CUL1: variants seen among roughly 807,000 people sequenced by gnomAD.
CUL1 encodes the protein cullin 1, also known as cullin-1.
Under a neutral mutation model 118.0 loss-of-function variants are expected in CUL1, and 24 were observed. The observed-to-expected ratio is 0.20, with a 90% confidence interval of 0.15 to 0.29. CUL1 has a LOEUF of 0.29. Among genes scored for constraint, CUL1 ranks in the 10% least tolerant of loss-of-function variants. The pLI, the probability that CUL1 is intolerant of heterozygous loss-of-function variation, is 1.00. For synonymous variants in CUL1, 332 were observed against 340.4 expected (o/e 0.98, Z 0.27); for missense variants, 361 against 933.8 (o/e 0.39, Z 7.99).
At chr7:148,742,085 C>T (rs1799159558) in intron 2 of CUL1, among the ~76,000 whole-genome samples, 1 of 152,138 alleles carries the variant, frequency 6.6e-6, no homozygotes, top group Non-Finnish European at 1.5e-5. Context: ...TTTTGAGTCT[C>T]TTGAAATTCT....
At position 148,800,439 on chromosome 7, in the gene CUL1, C is replaced by A. The variant is rs559003920; in HGVS notation, c.2251-63C>A. 173 of 1,353,756 alleles carry A rather than the reference C, an allele frequency of 1.3e-4. No homozygotes were observed. The highest frequency in any genetic ancestry group is 1.1e-3 in the African/African-American group (79 of 69,826). 83.9% of individuals were successfully genotyped at this position (1,353,756 alleles called of 1,614,324 possible). Reference sequence around the variant, plus strand: ...GTGGTGGGGGCAGCCTCTCTCTGTTCTGATGATAATTTGTGTTTTTCTTCT... The same window carrying A: ...GTGGTGGGGGCAGCCTCTCTCTGTTATGATGATAATTTGTGTTTTTCTTCT... On this transcript the variant is annotated intron_variant, in intron 21 of 21. Transcript: ENST00000325222. This position sits in a 1 kb window ranked among gnomAD's most constrained non-coding sequence, Gnocchi z 4.6.
At chr7:148,796,623 A>C (rs1336933871) in intron 17 of CUL1, among the ~76,000 whole-genome samples, 1 of 152,212 alleles carries the variant, frequency 6.6e-6, no homozygotes. Context: ...AGGGCTGTGC[A>C]GACGGGTCCT....
chr7:148,746,917 T>G (rs530718736), intron 2 of CUL1, among the ~76,000 whole-genome samples: 1 of 152,352 alleles, frequency 6.6e-6, no homozygotes, highest in African/African-American at 2.4e-5. Context: ...GTACTCTATC[T>G]TCAGGTGGAC....
chr7:148,751,319 A>C (rs1289268871), intron 2 of CUL1, among the ~76,000 whole-genome samples: 2 of 152,052 alleles, frequency 1.3e-5, no homozygotes, highest in Non-Finnish European at 2.9e-5. Flanking sequence ...AGGTCGAGGC[A>C]GGTGGATTGC....
rs751681440 is a variant in CUL1, at chr7:148,730,116, C to T, written c.-7C>T. ...CTGCACTGGACGACTTTAGAACATC[C>T]CTCACAATGTCGTCAACCCGGAGCC... On this transcript the variant is annotated 5_prime_UTR_variant, in exon 2 of 22. Coordinates refer to ENST00000325222, the MANE Select transcript of CUL1 (RefSeq NM_003592.3). 5 of 1,611,292 alleles carry T rather than the reference C, an allele frequency of 3.1e-6. No homozygotes were observed. The South Asian group carries it at 5.5e-5, about 18-fold the overall frequency.
At chr7:148,728,651 T>C (rs1798660997) in intron 1 of CUL1, among the ~76,000 whole-genome samples, 1 of 152,210 alleles carries the variant, frequency 6.6e-6, no homozygotes. Context: ...CATTTGAACA[T>C]ACCAATTCGA....
chr7:148,792,920 T>C, intron 17 of CUL1, 102 bp downstream of exon 17: 1 of 745,202 alleles, frequency 1.3e-6, no homozygotes, highest in East Asian at 2.8e-5. Flanking sequence ...ATCTTTAATT[T>C]GAAATAGATG....
rs542252425 is a variant in CUL1 at position 148,701,677 on chromosome 7, C to T, written c.-162+2648C>T. Reference sequence around the variant, plus strand: ...AGGAAGTTGCTGTAGGAGGAACCATCCCTTGGTCTCTGAGGGCCATTCATC... The same window carrying T: ...AGGAAGTTGCTGTAGGAGGAACCATTCCTTGGTCTCTGAGGGCCATTCATC... On this transcript the variant is annotated intron_variant, in intron 1 of 21. Coordinates refer to ENST00000325222, the MANE Select transcript of CUL1 (RefSeq NM_003592.3). Among the ~76,000 whole-genome samples, 39 of 152,270 alleles carry T rather than the reference C, an allele frequency of 2.6e-4. No homozygotes were observed. In the East Asian group the frequency reaches 7.3e-3, roughly 29 times the overall value.
intron 1 of CUL1, among the ~76,000 whole-genome samples, chr7:148,716,627 T>C (rs2129459177): frequency 6.6e-6 from 1 of 152,278 alleles, no homozygotes; most frequent in East Asian, 1.9e-4. Context: ...CAATTTTTCT[T>C]CTTGAAAAGA....
intron 14 of CUL1, among the ~76,000 whole-genome samples, chr7:148,789,170 T>C (rs975789239): frequency 6.6e-6 from 1 of 152,234 alleles, no homozygotes; most frequent in African/African-American, 2.4e-5. Context: ...TGATCATCTT[T>C]GTCTTTTTAA....
chr7:148,734,046 GAAA>G (rs1798859048), intron 2 of CUL1, among the ~76,000 whole-genome samples: 1 of 151,154 alleles, frequency 6.6e-6, no homozygotes, highest in Non-Finnish European at 1.5e-5. Flanking sequence ...AAAAAGAAAA[GAAA>G]AGAAAATGAC....
chr7:148,754,137 C>T lies in CUL1; in HGVS notation c.302C>T (p.Thr101Ile), dbSNP rs1799581938. 1 of 1,601,180 alleles carries T rather than the reference C, an allele frequency of 6.2e-7. No homozygotes were observed. Among genetic ancestry groups the T allele is most frequent in the African/African-American group, 1.3e-5 (1 of 74,290 alleles). ...RLKEFLKNYL[T>I]NLLKDGEDLM... ...AAGGAATTTTTGAAGAATTACTTGACAAATCTTCTTAAGGTAAGATGTTTT... is the reference window on the plus strand; with the variant it reads ...AAGGAATTTTTGAAGAATTACTTGATAAATCTTCTTAAGGTAAGATGTTTT... The change falls in exon 3 of 22, where the codon ACA becomes ATA. Residue 101 changes from threonine (T) to isoleucine (I), a missense_variant. This residue lies in a region of CUL1 where 49 missense variants were observed against 67.4 expected (regional missense o/e 0.73). Coordinates refer to ENST00000325222, the MANE Select transcript of CUL1 (RefSeq NM_003592.3).
At position 148,786,131 on chromosome 7, in the gene CUL1, C is replaced by G. The variant is rs546182282; in HGVS notation, c.1299-420C>G. On this transcript the variant is annotated intron_variant, in intron 11 of 21. Coordinates refer to ENST00000325222, the MANE Select transcript of CUL1 (RefSeq NM_003592.3). ...AGCAGTTTAGTAGGAATTTAAACCC[C>G]TTCATCATCTTTAATGACTGGGCCA... is the stretch of plus-strand genomic sequence containing the variant. 1.3e-5 allele frequency among the ~76,000 whole-genome samples: 2 copies of G among 152,254 alleles called. 1 individual carries two copies. Among genetic ancestry groups the G allele is most frequent in the African/African-American group, 4.8e-5 (2 of 41,550 alleles).
chr7:148,735,919 T>C (rs1446714876), intron 2 of CUL1, among the ~76,000 whole-genome samples: 3 of 152,014 alleles, frequency 2.0e-5, no homozygotes, highest in Non-Finnish European at 4.4e-5. Context: ...ACGCCTTTAA[T>C]TCCCGGAATT....
intron 1 of CUL1, among the ~76,000 whole-genome samples, chr7:148,699,630 A>G (rs1008642040): frequency 2.6e-5 from 4 of 151,986 alleles, no homozygotes; most frequent in Non-Finnish European, 5.9e-5. Flanking sequence ...CCCCGCCTGC[A>G]TTGTTGCGAA....
At chr7:148,750,888 T>TG (rs937120059) in intron 2 of CUL1, among the ~76,000 whole-genome samples, 13 of 152,110 alleles carry the variant, frequency 8.5e-5, no homozygotes, top group Non-Finnish European at 1.6e-4. Flanking sequence ...GGAGGATCAC[T>TG]TCAGACCAAG....
chr7:148,713,766 T>C (rs751495373), intron 1 of CUL1, among the ~76,000 whole-genome samples: 1 of 152,204 alleles, frequency 6.6e-6, no homozygotes, highest in African/African-American at 2.4e-5. Flanking sequence ...TTCTGTCGCC[T>C]AGGCTAGAGT....
chr7:148,722,660 T>C (rs1351039045), intron 1 of CUL1, among the ~76,000 whole-genome samples: 2 of 152,226 alleles, frequency 1.3e-5, no homozygotes, highest in Admixed American at 6.5e-5. Flanking sequence ...CAGAAATTAA[T>C]TGGACACTTT....
At position 148,798,733 on chromosome 7, in the gene CUL1, G is replaced by A. The variant is rs555141093; in HGVS notation, c.2136+56G>A. ...GCTGTCCCTCACGCAGGGATGGCTC[G>A]CAAGGACGGGCCGTGGGGGGTAGGC... is the stretch of plus-strand genomic sequence containing the variant. On this transcript the variant is annotated intron_variant, in intron 20 of 21. Coordinates refer to ENST00000325222, the MANE Select transcript of CUL1 (RefSeq NM_003592.3). The A allele has an allele frequency of 5.4e-5, 75 of 1,401,576 alleles. No homozygotes were observed. The African/African-American group carries it at 5.4e-4, about 10-fold the overall frequency. 86.8% of individuals were successfully genotyped at this position (1,401,576 alleles called of 1,614,324 possible).
Sources: allele counts gnomAD v4.1 joint callset (sites outside exome capture counted in the v4.1 genomes callset), GRCh38; gene constraint gnomAD v4.1.1; regional missense constraint gnomAD v4.1.1; non-coding constraint Gnocchi (gnomAD v3.1); transcripts MANE v1.5; gene names NCBI Gene and HGNC (gene_info 2026-07-23, HGNC 2026-07-21).